SEPTIN9: variants seen among roughly 807,000 people sequenced by gnomAD.
SEPTIN9 encodes septin 9.
SEPTIN9 carries 13 observed loss-of-function variants against 56.6 expected under a neutral mutation model. The observed-to-expected ratio is 0.23, with a 90% CI of 0.15 to 0.37. The LOEUF (loss-of-function observed/expected upper bound fraction) is 0.37, where lower values mean the gene tolerates loss of function less well. SEPTIN9 is among the 10% of genes least tolerant of loss of function. The pLI is 1.00. For missense variants in SEPTIN9, 650 were observed against 823.1 expected, an observed-to-expected ratio of 0.79 and a Z score of 2.57; for synonymous variants, 332 against 334.1, an observed-to-expected ratio of 0.99 and a Z score of 0.07.
rs74255255 is a variant in SEPTIN9 at position 77,385,642 on chromosome 17, G to A, written c.77-16417G>A. Among the ~76,000 whole-genome samples, 1,637 of 152,354 alleles carry A rather than the reference G, an allele frequency of 0.011. 97 individuals carry two copies. The East Asian group carries it at 0.16, about 15-fold the overall frequency. On this transcript the variant is annotated intron_variant, in intron 2 of 11. Transcript: ENST00000427177. ...ATTGAGAGATGAGGAAGCAGAGGCC[G>A]GAAAGTGTCACATTCCCTGGTCGCT...
intron 2 of SEPTIN9, among the ~76,000 whole-genome samples, chr17:77,392,994 G>A (rs774062573): frequency 1.3e-5 from 2 of 151,972 alleles, no homozygotes; most frequent in African/African-American, 4.8e-5. Context: ...CTCCCTATCC[G>A]GAGCCTGCTC....
intron 2 of SEPTIN9, chr17:77,373,479 C>T (rs1163866763): frequency 3.3e-6 from 5 of 1,527,080 alleles, no homozygotes; most frequent in Middle Eastern, 1.8e-4. Flanking sequence ...TCCGCGCGAC[C>T]CGCTGCCCAC....
chr17:77,386,639 G>A (rs1405256908), intron 2 of SEPTIN9, among the ~76,000 whole-genome samples: 3 of 152,198 alleles, frequency 2.0e-5, no homozygotes, highest in Non-Finnish European at 4.4e-5. Context: ...TGTTGATGAG[G>A]TGTGGCCTGG....
intron 2 of SEPTIN9, among the ~76,000 whole-genome samples, chr17:77,324,502 G>A (rs916668859): frequency 1.3e-5 from 2 of 152,130 alleles, no homozygotes; most frequent in African/African-American, 2.4e-5. Flanking sequence ...GCATGGAGCC[G>A]GCAACTCCCC....
In SEPTIN9 at chr17:77,499,146, C is replaced by T; in HGVS notation, c.*488C>T. On this transcript the variant is annotated 3_prime_UTR_variant, in exon 12 of 12. Transcript: ENST00000427177. Reference sequence around the variant, plus strand: ...CAGCCCACCAGGAGCACCTGGACCCCCTGCCCGCCACATGGTGTGGCCATC... The same window carrying T: ...CAGCCCACCAGGAGCACCTGGACCCTCTGCCCGCCACATGGTGTGGCCATC... The T allele has an allele frequency of 1.9e-6, 1 of 536,668 alleles. No individual in the cohort carries two copies. Among genetic ancestry groups the T allele is most frequent in the Non-Finnish European group, 3.6e-6 (1 of 276,540 alleles). The allele number at this position is 536,668 out of a possible 1,614,324, so 33.2% of individuals were successfully genotyped here.
intron 3 of SEPTIN9, chr17:77,446,209 A>C (rs1236652866): frequency 6.0e-6 from 1 of 167,090 alleles, no homozygotes; most frequent in Non-Finnish European, 1.5e-5. Flanking sequence ...CACCGGACTA[A>C]AGTCAAGGTG....
At chr17:77,384,888 C>CACACACACACACACA (rs2035280421) in intron 2 of SEPTIN9, among the ~76,000 whole-genome samples, 1 of 144,224 alleles carries the variant, frequency 6.9e-6, no homozygotes, top group African/African-American at 2.6e-5. Context: ...CACACACACA[C>CACACACACACACACA]TCCCCAGTAA....
At chr17:77,347,515 C>T (rs536050908) in intron 2 of SEPTIN9, among the ~76,000 whole-genome samples, 115 of 151,982 alleles carry the variant, frequency 7.6e-4, no homozygotes, top group African/African-American at 2.5e-3. Flanking sequence ...AATGGTGTCT[C>T]GATGAACTGA....
In SEPTIN9 at chr17:77,327,980, G is replaced by A. The variant is rs1203179417; in HGVS notation, c.76+20783G>A. ...CGTGCCCAGTGTGTCCCTGTATCCA[G>A]GGCATCCCCATGCCCAGGGTGTCCC... On this transcript the variant is annotated intron_variant, in intron 2 of 11. Transcript: ENST00000427177. This position sits in a 1 kb window ranked among gnomAD's most constrained non-coding sequence, Gnocchi z 5.0. 6.6e-6 allele frequency among the ~76,000 whole-genome samples: 1 copy of A among 151,882 alleles called. No homozygotes were observed. Among genetic ancestry groups the A allele is most frequent in the African/African-American group, 2.4e-5 (1 of 41,222 alleles).
At chr17:77,360,028 G>A (rs2034363806) in intron 2 of SEPTIN9, among the ~76,000 whole-genome samples, 1 of 151,860 alleles carries the variant, frequency 6.6e-6, no homozygotes, top group Non-Finnish European at 1.5e-5. Flanking sequence ...ATGGTGGTGG[G>A]CACCTGTGAT....
intron 2 of SEPTIN9, among the ~76,000 whole-genome samples, chr17:77,364,314 G>A (rs1342239209): frequency 2.0e-5 from 3 of 152,360 alleles, no homozygotes; most frequent in Non-Finnish European, 2.9e-5. Context: ...GGCACGGGGT[G>A]CATGCATTTT....
At chr17:77,342,074 CAAAA>C (rs35151530) in intron 2 of SEPTIN9, among the ~76,000 whole-genome samples, 1 of 130,396 alleles carries the variant, frequency 7.7e-6, no homozygotes. Context: ...GACTCTGTCT[CAAAA>C]AAAAAAAAAC....
chr17:77,361,214 G>A (rs887968929), intron 2 of SEPTIN9, among the ~76,000 whole-genome samples: 2 of 152,168 alleles, frequency 1.3e-5, no homozygotes, highest in Non-Finnish European at 2.9e-5. Context: ...GTGAGCCACC[G>A]CACTGGGCCT....
intron 3 of SEPTIN9, among the ~76,000 whole-genome samples, chr17:77,473,718 G>A (rs745430770): frequency 3.3e-5 from 5 of 152,136 alleles, no homozygotes; most frequent in South Asian, 4.1e-4. Context: ...CGGAAGTCTC[G>A]GCTAATAAAC....
chr17:77,447,107 A>G (rs2037770768), intron 3 of SEPTIN9: 2 of 167,102 alleles, frequency 1.2e-5, no homozygotes, highest in Non-Finnish European at 2.9e-5. Context: ...TTCTGTCTCC[A>G]TAAATTCATT....
intron 3 of SEPTIN9, among the ~76,000 whole-genome samples, chr17:77,462,315 C>A (rs1289454891): frequency 5.3e-5 from 8 of 152,196 alleles, no homozygotes; most frequent in Non-Finnish European, 1.0e-4. Context: ...GATCACGGCT[C>A]ACTGCAGCCT....
chr17:77,377,268 C>T (rs1032373866), intron 2 of SEPTIN9: 1 of 152,148 alleles, frequency 6.6e-6, no homozygotes, highest in African/African-American at 2.4e-5. Flanking sequence ...AATAGGGTGA[C>T]AAGAGGGATG....
In SEPTIN9 at chr17:77,402,481, C is replaced by T; in HGVS notation, c.499C>T (p.Pro167Ser). 2 of 1,606,220 alleles carry T rather than the reference C, an allele frequency of 1.2e-6. No individual in the cohort carries two copies. The highest frequency in any genetic ancestry group is 8.5e-7 in the Non-Finnish European group (1 of 1,176,798). Reference protein sequence around the residue: ...PQESAHRRMEPPASKVPEVPT... With the variant: ...PQESAHRRMESPASKVPEVPT... Reference sequence around the variant, plus strand: ...GGAGTCAGCCCACCGGAGGATGGAGCCCCCTGCCTCCAAGGTCCCCGAGGT... The same window carrying T: ...GGAGTCAGCCCACCGGAGGATGGAGTCCCCTGCCTCCAAGGTCCCCGAGGT... Residue 167 changes from proline (P) to serine (S), a missense_variant, in exon 3 of 12, where the codon CCC becomes TCC. Physicochemically the swap from Pro to Ser is moderately conservative, Grantham distance 74. Around this residue, in one of 2 missense-constraint regions of SEPTIN9, gnomAD observed 317 missense variants for 329.1 expected, o/e 0.96. Transcript: ENST00000427177. The surrounding 1 kb of genome is among the most constrained non-coding windows in gnomAD (Gnocchi z 6.6).
chr17:77,481,656 C>T (rs538614998), intron 3 of SEPTIN9, among the ~76,000 whole-genome samples: 1 of 151,062 alleles, frequency 6.6e-6, no homozygotes, highest in South Asian at 2.1e-4. Flanking sequence ...GGATCGGCTT[C>T]TAAGGCCTTT....
Sources: allele counts gnomAD v4.1 joint callset (sites outside exome capture counted in the v4.1 genomes callset), GRCh38; gene constraint gnomAD v4.1.1; regional missense constraint gnomAD v4.1.1; non-coding constraint Gnocchi (gnomAD v3.1); transcripts MANE v1.5; gene names NCBI Gene and HGNC (gene_info 2026-07-23, HGNC 2026-07-21).